The following SHISA9 variants were observed in gnomAD, a reference collection of about 807,000 sequenced individuals.
SHISA9 encodes the protein shisa family member 9, also known as protein shisa-9.
SHISA9 carries 13 observed loss-of-function variants against 38.0 expected under a neutral mutation model. That is an observed-to-expected ratio of 0.34 (90% CI 0.22 to 0.54). The LOEUF (loss-of-function observed/expected upper bound fraction) is 0.54, where lower values mean the gene tolerates loss of function less well. Ranked by LOEUF, SHISA9 falls within the 20% of genes least tolerant of loss-of-function variation. The probability of loss-of-function intolerance (pLI) is 0.91; values close to 1 mark genes in which losing one functional copy is unlikely to be tolerated. For missense variants in SHISA9, 538 were observed against 575.8 expected (o/e 0.93, Z 0.67); for synonymous variants, 275 against 242.0 (o/e 1.14, Z -1.27).
chr16:12,902,565 G>A lies in SHISA9; in HGVS notation c.501G>A (p.Val167=), dbSNP rs918835464. The change falls in exon 1 of 5, where the codon GTG becomes GTA. Residue 167 remains valine, a synonymous_variant. Coordinates refer to ENST00000558583, the MANE Select transcript of SHISA9 (RefSeq NM_001145204.3). Reference sequence around the variant, plus strand: ...GGGTGGTGGCCGTCATGGTGCTCGTGGGCATCTTCACCAAGCTGGGGCTGG... The same window carrying A: ...GGGTGGTGGCCGTCATGGTGCTCGTAGGCATCTTCACCAAGCTGGGGCTGG... ...ICGVVAVMVL[V]GIFTKLGLEK... is the part of the protein sequence containing the mutation. 1.4e-5 allele frequency: 22 copies of A among 1,551,152 alleles called. No individual in the cohort carries two copies. The highest frequency in any genetic ancestry group is 1.9e-5 in the Non-Finnish European group (22 of 1,146,996).
intron 2 of SHISA9, among the ~76,000 whole-genome samples, chr16:13,056,452 T>C (rs758819942): frequency 2.0e-5 from 3 of 152,188 alleles, no homozygotes; most frequent in Non-Finnish European, 2.9e-5. Flanking sequence ...TCTCTTTATG[T>C]TGGAATCACC....
At chr16:12,935,942 T>G (rs2071526755) in intron 2 of SHISA9, among the ~76,000 whole-genome samples, 1 of 150,458 alleles carries the variant, frequency 6.6e-6, no homozygotes, top group Non-Finnish European at 1.5e-5. Flanking sequence ...GGAGGGAACG[T>G]GTTCTCAGAA....
At chr16:12,923,896 T>C (rs990484873) in intron 2 of SHISA9, among the ~76,000 whole-genome samples, 7 of 151,816 alleles carry the variant, frequency 4.6e-5, no homozygotes, top group African/African-American at 1.7e-4. Flanking sequence ...AAATAGAGGA[T>C]CCAGGATTCA....
At chr16:13,164,088 C>T (rs927385150) in intron 2 of SHISA9, among the ~76,000 whole-genome samples, 3 of 152,002 alleles carry the variant, frequency 2.0e-5, no homozygotes, top group Non-Finnish European at 4.4e-5. Flanking sequence ...TGTTGGATCT[C>T]CCACTATTAA....
At chr16:12,927,439 C>T (rs1011560197) in intron 2 of SHISA9, among the ~76,000 whole-genome samples, 2 of 152,162 alleles carry the variant, frequency 1.3e-5, no homozygotes, top group African/African-American at 4.8e-5. Context: ...TGCTCTGCCG[C>T]CTAGGCTGGA....
intron 2 of SHISA9, among the ~76,000 whole-genome samples, chr16:13,020,924 G>A (rs564522263): frequency 6.6e-6 from 1 of 152,216 alleles, no homozygotes; most frequent in Non-Finnish European, 1.5e-5. Flanking sequence ...ATTCTTAGCT[G>A]TGACCACATA....
intron 2 of SHISA9, among the ~76,000 whole-genome samples, chr16:13,103,358 G>A (rs571398641): frequency 1.3e-5 from 2 of 152,312 alleles, no homozygotes; most frequent in South Asian, 4.1e-4. Flanking sequence ...TAGAGTTTTA[G>A]TTATACATAG....
At chr16:13,317,038 G>T in the SHISA9 span, among the ~76,000 whole-genome samples, 1 of 152,154 alleles carries the variant, frequency 6.6e-6, no homozygotes, top group Non-Finnish European at 1.5e-5. Flanking sequence ...CAGCTTCCCT[G>T]TCCCAGACTG....
At chr16:13,202,464 C>G (rs746545157) in intron 2 of SHISA9, among the ~76,000 whole-genome samples, 1 of 134,810 alleles carries the variant, frequency 7.4e-6, no homozygotes, top group Non-Finnish European at 1.6e-5. Flanking sequence ...GTTTGTTTGT[C>G]TTTACATTTG....
At chr16:13,344,975 C>A in the SHISA9 span, among the ~76,000 whole-genome samples, 4 of 152,104 alleles carry the variant, frequency 2.6e-5, no homozygotes, top group Admixed American at 2.6e-4. Context: ...TGCAACATTC[C>A]CCATGTATGT....
At chr16:13,258,731 C>T in the SHISA9 span, among the ~76,000 whole-genome samples, 2 of 152,146 alleles carry the variant, frequency 1.3e-5, no homozygotes. Flanking sequence ...AAAGCAGAAG[C>T]CCCTGATAAA....
chr16:13,174,426 A>G (rs893402619), intron 2 of SHISA9, among the ~76,000 whole-genome samples: 6 of 152,166 alleles, frequency 3.9e-5, no homozygotes, highest in Non-Finnish European at 7.3e-5. Flanking sequence ...GGAGTTAAGG[A>G]GCTGTAAGCC....
intron 2 of SHISA9, among the ~76,000 whole-genome samples, chr16:13,028,817 G>T (rs2072956657): frequency 6.6e-6 from 1 of 152,178 alleles, no homozygotes; most frequent in African/African-American, 2.4e-5. Flanking sequence ...CAATCACTGT[G>T]TCTGCAGATG....
chr16:13,541,858 C>T, the SHISA9 span, among the ~76,000 whole-genome samples: 1 of 152,198 alleles, frequency 6.6e-6, no homozygotes, highest in African/African-American at 2.4e-5. Flanking sequence ...GGATATTCGA[C>T]GTGAGGTCAG....
the SHISA9 span, among the ~76,000 whole-genome samples, chr16:13,447,034 TAA>T: frequency 3.5e-5 from 5 of 141,548 alleles, no homozygotes; most frequent in Admixed American, 1.4e-4. Flanking sequence ...TGTGGGGCTG[TAA>T]AAAAAAAAAG....
chr16:13,397,946 G>A, the SHISA9 span, among the ~76,000 whole-genome samples: 4 of 152,222 alleles, frequency 2.6e-5, no homozygotes, highest in African/African-American at 9.7e-5. Context: ...AGCCAGAAGG[G>A]AGATGGAGTG....
rs1366434087 is a variant in SHISA9 at position 13,190,007 on chromosome 16, G to T, written c.692-13387G>T. ...TAGGCTGGGGCTATTGAGTGAAGGGGCAAACATCTCCTGTTAATAGTATCT... is the reference window on the plus strand; with the variant it reads ...TAGGCTGGGGCTATTGAGTGAAGGGTCAAACATCTCCTGTTAATAGTATCT... On this transcript the variant is annotated intron_variant, in intron 2 of 4. Coordinates refer to ENST00000558583, the MANE Select transcript of SHISA9 (RefSeq NM_001145204.3). Among the ~76,000 whole-genome samples the T allele has an allele frequency of 3.3e-5, 5 of 152,012 alleles. No homozygotes were observed. The East Asian group carries it at 9.6e-4, about 29-fold the overall frequency.
chr16:12,914,480 T>C (rs1285164507), intron 1 of SHISA9, among the ~76,000 whole-genome samples: 2 of 152,178 alleles, frequency 1.3e-5, no homozygotes, highest in Admixed American at 1.3e-4. Context: ...TGGCACATAG[T>C]AGACGATAAA....
At chr16:12,945,940 C>A (rs1045569946) in intron 2 of SHISA9, among the ~76,000 whole-genome samples, 1 of 152,134 alleles carries the variant, frequency 6.6e-6, no homozygotes, top group African/African-American at 2.4e-5. Flanking sequence ...ATGGCGAAAC[C>A]CTACTAAAAA....
Sources: gnomAD v4.1 joint callset for allele counts (sites outside exome capture counted in the v4.1 genomes callset) on GRCh38, gnomAD v4.1.1 for gene constraint, MANE v1.5 for transcripts, NCBI Gene and HGNC (gene_info 2026-07-23, HGNC 2026-07-21) for gene names.